Variants in CCDC38 observed in about 807,000 individuals in gnomAD.
CCDC38 encodes the protein coiled-coil domain containing 38, also known as coiled-coil domain-containing protein 38.
In CCDC38, 69 loss-of-function variants were observed where a neutral mutation model predicts 72.8. The observed-to-expected ratio is 0.95, with a 90% confidence interval of 0.78 to 1.16. The LOEUF is 1.16. CCDC38 is among the 50% of genes most tolerant of loss of function. The pLI, the probability that CCDC38 is intolerant of heterozygous loss-of-function variation, is 0.00. For missense variants in CCDC38, 626 were observed against 638.9 expected, an observed-to-expected ratio of 0.98 and a Z score of 0.22; for synonymous variants, 201 against 213.2, an observed-to-expected ratio of 0.94 and a Z score of 0.50.
At chr12:95,881,144 A>G (rs1479729271) in intron 11 of CCDC38, among the ~76,000 whole-genome samples, 1 of 152,000 alleles carries the variant, frequency 6.6e-6, no homozygotes, top group East Asian at 1.9e-4. Context: ...AGGCCTATTT[A>G]TTTTATGGTT....
At chr12:95,902,578 A>T (rs2079961159) in intron 5 of CCDC38, among the ~76,000 whole-genome samples, 2 of 152,260 alleles carry the variant, frequency 1.3e-5, no homozygotes, top group South Asian at 4.1e-4. Flanking sequence ...CTGAGTAGTA[A>T]TCAGTTATGT....
chr12:95,920,934 G>A (rs2080199431), intron 2 of CCDC38, among the ~76,000 whole-genome samples: 1 of 152,104 alleles, frequency 6.6e-6, no homozygotes, highest in East Asian at 1.9e-4. Flanking sequence ...TTCGAGACCA[G>A]CGTGACCAAC....
At chr12:95,938,313 G>A (rs2080414981) in intron 1 of CCDC38, among the ~76,000 whole-genome samples, 1 of 152,060 alleles carries the variant, frequency 6.6e-6, no homozygotes, top group South Asian at 2.1e-4. Flanking sequence ...CTAAAGATTT[G>A]TAGATTTTCT....
intron 1 of CCDC38, among the ~76,000 whole-genome samples, chr12:95,941,121 G>A (rs2080446304): frequency 6.6e-6 from 1 of 152,110 alleles, no homozygotes; most frequent in South Asian, 2.1e-4. Flanking sequence ...AGCTTATCAG[G>A]TAATGTTGTC....
intron 2 of CCDC38, among the ~76,000 whole-genome samples, chr12:95,921,759 T>C (rs962604488): frequency 1.2e-4 from 13 of 106,174 alleles, no homozygotes; most frequent in African/African-American, 5.1e-4. Flanking sequence ...GATAGGAAGA[T>C]AGGAAGAGGA....
At chr12:95,916,880 C>T (rs1038150693) in intron 4 of CCDC38, among the ~76,000 whole-genome samples, 1 of 152,116 alleles carries the variant, frequency 6.6e-6, no homozygotes, top group Non-Finnish European at 1.5e-5. Context: ...AACTTTAATA[C>T]TACATTCTTT....
chr12:95,902,892 A>G (rs1309103201), intron 5 of CCDC38, among the ~76,000 whole-genome samples: 1 of 152,090 alleles, frequency 6.6e-6, no homozygotes, highest in African/African-American at 2.4e-5. Context: ...AAAAATTTAG[A>G]ATCAGCCTTT....
chr12:95,921,553 T>C (rs563654583), intron 2 of CCDC38, among the ~76,000 whole-genome samples: 1 of 152,048 alleles, frequency 6.6e-6, no homozygotes, highest in African/African-American at 2.4e-5. Context: ...TCTTGTGAGA[T>C]CTCACTCACT....
At chr12:95,927,598 T>C (rs1288158153) in intron 2 of CCDC38, among the ~76,000 whole-genome samples, 1 of 152,180 alleles carries the variant, frequency 6.6e-6, no homozygotes, top group Non-Finnish European at 1.5e-5. Flanking sequence ...TAGCTGGTTA[T>C]TTTGCTCGTT....
At chr12:95,922,349 G>T (rs939681038) in intron 2 of CCDC38, among the ~76,000 whole-genome samples, 1 of 152,204 alleles carries the variant, frequency 6.6e-6, no homozygotes, top group South Asian at 2.1e-4. Flanking sequence ...TATACTCATA[G>T]CCTGGGGGAG....
intron 2 of CCDC38, among the ~76,000 whole-genome samples, chr12:95,929,266 A>G (rs544979987): frequency 1.1e-4 from 16 of 152,224 alleles, no homozygotes; most frequent in African/African-American, 3.9e-4. Context: ...AGCCCATGGG[A>G]AAAGCGCAGT....
rs146266281 is a variant in CCDC38, at chr12:95,920,256, G to C, written c.38-1280C>G. The stretch of plus-strand genomic sequence containing the variant: ...TGAATAAGTCTCATGAGATCTGATG[G>C]TTTTATAAAGGGGAGTTCCCCTGCA... On this transcript the variant is annotated intron_variant, in intron 2 of 15. Transcript: ENST00000344280. Among the ~76,000 whole-genome samples, 1,128 of 152,166 alleles carry C rather than the reference G, an allele frequency of 7.4e-3. 10 individuals carry two copies. The highest frequency in any genetic ancestry group is 0.012 in the Non-Finnish European group (795 of 67,992).
At chr12:95,891,163 G>A (rs1477936813) in intron 8 of CCDC38, among the ~76,000 whole-genome samples, 1 of 152,170 alleles carries the variant, frequency 6.6e-6, no homozygotes, top group Non-Finnish European at 1.5e-5. Context: ...GTAAGGGCTG[G>A]TCCCTGGGTT....
At chr12:95,933,023 C>A (rs2080354383) in intron 2 of CCDC38, among the ~76,000 whole-genome samples, 1 of 152,136 alleles carries the variant, frequency 6.6e-6, no homozygotes, top group Non-Finnish European at 1.5e-5. Context: ...TGGATCTTTA[C>A]CTCACACTCC....
chr12:95,933,030 C>T (rs2080354501), intron 2 of CCDC38, among the ~76,000 whole-genome samples: 1 of 152,172 alleles, frequency 6.6e-6, no homozygotes, highest in Non-Finnish European at 1.5e-5. Context: ...TTACCTCACA[C>T]TCCATACAAA....
chr12:95,908,336 C>A, intron 4 of CCDC38, among the ~76,000 whole-genome samples: 1 of 149,466 alleles, frequency 6.7e-6, no homozygotes, highest in African/African-American at 2.5e-5. Context: ...GCGGCGCGCG[C>A]CTGCAATCGC....
intron 2 of CCDC38, among the ~76,000 whole-genome samples, chr12:95,930,265 A>T (rs2080323561): frequency 6.6e-6 from 1 of 152,168 alleles, no homozygotes; most frequent in Admixed American, 6.5e-5. Flanking sequence ...GCTGTAGCAG[A>T]TTACCACAAA....
At chr12:95,876,430 T>C (rs529118007) in intron 13 of CCDC38, among the ~76,000 whole-genome samples, 144 of 151,954 alleles carry the variant, frequency 9.5e-4, no homozygotes, top group Non-Finnish European at 1.8e-3. Flanking sequence ...AGATGTTACA[T>C]TTTTATGTTG....
chr12:95,901,184 A>G (rs1279528895), intron 5 of CCDC38, among the ~76,000 whole-genome samples: 1 of 152,210 alleles, frequency 6.6e-6, no homozygotes, highest in Non-Finnish European at 1.5e-5. Flanking sequence ...GAAAAAGAAT[A>G]TTTTTGAAGA....
Sources: allele counts gnomAD v4.1 joint callset (sites outside exome capture counted in the v4.1 genomes callset), GRCh38; gene constraint gnomAD v4.1.1; transcripts MANE v1.5; gene names NCBI Gene and HGNC (gene_info 2026-07-23, HGNC 2026-07-21).